Variants in SEMA5A observed in about 807,000 individuals in gnomAD.
The protein encoded by SEMA5A is semaphorin 5A, also known as semaphorin-5A.
A neutral mutation model predicts 135.5 loss-of-function variants in SEMA5A; 55 were observed. The observed-to-expected ratio is 0.41, with a 90% CI of 0.33 to 0.51. The LOEUF (loss-of-function observed/expected upper bound fraction) is 0.51. SEMA5A is among the 20% of genes least tolerant of loss of function. SEMA5A has a pLI of 0.37. For synonymous variants in SEMA5A, 580 were observed against 546.5 expected, an observed-to-expected ratio of 1.06 and a Z score of -0.85; for missense variants, 1,290 against 1,419.9, an observed-to-expected ratio of 0.91 and a Z score of 1.47.
In SEMA5A at chr5:9,039,406, C is replaced by G. The variant is rs1002500196; in HGVS notation, c.*3491G>C. ...TCCCAAACCACATGACATGAACGGA[C>G]TCTTCCTAGGGACAGAGGTTTCTCC... On this transcript the variant is annotated 3_prime_UTR_variant, in exon 23 of 23. Coordinates refer to ENST00000382496, the MANE Select transcript of SEMA5A (RefSeq NM_003966.3). 1.3e-5 allele frequency: 2 copies of G among 152,298 alleles called. No homozygotes were observed. Among genetic ancestry groups the G allele is most frequent in the African/African-American group, 4.8e-5 (2 of 41,470 alleles). 9.4% of individuals were successfully genotyped at this position (152,298 alleles called of 1,614,324 possible). A position where few individuals can be genotyped will look rare whatever the true frequency, so the allele number is the denominator to read the frequency against.
intron 17 of SEMA5A, among the ~76,000 whole-genome samples, chr5:9,065,971 G>A (rs537318383): frequency 1.2e-4 from 18 of 152,336 alleles, no homozygotes; most frequent in Admixed American, 9.8e-4. Flanking sequence ...CTTACACAAT[G>A]TGCTTTTTAA....
chr5:9,099,179 T>G (rs1432867601), intron 16 of SEMA5A, among the ~76,000 whole-genome samples: 1 of 152,228 alleles, frequency 6.6e-6, no homozygotes, highest in Non-Finnish European at 1.5e-5. Flanking sequence ...TACATCATTC[T>G]TAAGCTTGAT....
chr5:9,051,902 G>T lies in SEMA5A; in HGVS notation c.2816C>A (p.Pro939Gln), dbSNP rs369362878. ...QCSGNTTESRPCVFDSNFIPE... is the reference protein window; with the variant it reads ...QCSGNTTESRQCVFDSNFIPE... ...GATGAAATTAGAGTCAAACACACACGGCCGGCTCTCCGTGGTGTTCCCGGA... is the reference window on the plus strand; with the variant it reads ...GATGAAATTAGAGTCAAACACACACTGCCGGCTCTCCGTGGTGTTCCCGGA... Residue 939 changes from proline (P) to glutamine (Q), a missense_variant, in exon 20 of 23, where the codon CCG (proline) becomes CAG (glutamine). Physicochemically the swap from Pro to Gln is moderately conservative, Grantham distance 76. This residue lies in a region of SEMA5A where 1,029 missense variants were observed against 1,086.6 expected (regional missense o/e 0.95). Coordinates refer to ENST00000382496, the MANE Select transcript of SEMA5A (RefSeq NM_003966.3). The T allele has an allele frequency of 1.2e-6, 2 of 1,614,046 alleles. No individual in the cohort carries two copies. The highest frequency in any genetic ancestry group is 1.7e-6 in the Non-Finnish European group (2 of 1,180,016).
At chr5:9,509,875 A>C (rs1394258815) in intron 1 of SEMA5A, among the ~76,000 whole-genome samples, 4 of 152,220 alleles carry the variant, frequency 2.6e-5, no homozygotes, top group Non-Finnish European at 2.9e-5. Context: ...ACTGAACAAG[A>C]CAAGGTGCCT....
intron 3 of SEMA5A, among the ~76,000 whole-genome samples, chr5:9,369,428 T>C (rs1561193469): frequency 6.6e-6 from 1 of 152,230 alleles, no homozygotes; most frequent in Non-Finnish European, 1.5e-5. Flanking sequence ...ATTCAAAGTT[T>C]TGGAAATATT....
chr5:9,419,196 T>A (rs1297609559), intron 2 of SEMA5A, among the ~76,000 whole-genome samples: 2 of 152,214 alleles, frequency 1.3e-5, no homozygotes, highest in East Asian at 3.8e-4. Context: ...ATCTTGGCAT[T>A]AATTTCTATT....
At chr5:9,277,493 C>T (rs1195906582) in intron 5 of SEMA5A, among the ~76,000 whole-genome samples, 1 of 152,132 alleles carries the variant, frequency 6.6e-6, no homozygotes, top group Non-Finnish European at 1.5e-5. Context: ...ATAAATCATT[C>T]TACTATAAAG....
intron 1 of SEMA5A, among the ~76,000 whole-genome samples, chr5:9,497,406 G>A (rs1367142689): frequency 1.3e-5 from 2 of 152,184 alleles, no homozygotes; most frequent in Non-Finnish European, 2.9e-5. Context: ...CAATGGACTG[G>A]GGATAGAGAC....
At chr5:9,113,852 G>A (rs1740373900) in intron 15 of SEMA5A, among the ~76,000 whole-genome samples, 1 of 152,186 alleles carries the variant, frequency 6.6e-6, no homozygotes, top group South Asian at 2.1e-4. Flanking sequence ...TGTTGGGAAA[G>A]AACATTGGTG....
intron 12 of SEMA5A, among the ~76,000 whole-genome samples, chr5:9,138,209 T>C (rs940984432): frequency 6.6e-6 from 1 of 152,172 alleles, no homozygotes; most frequent in Non-Finnish European, 1.5e-5. Flanking sequence ...ATGACTTCCA[T>C]TCAAAAATAC....
chr5:9,233,478 C>T (rs538258571), intron 6 of SEMA5A, among the ~76,000 whole-genome samples: 1 of 151,246 alleles, frequency 6.6e-6, no homozygotes, highest in South Asian at 2.1e-4. Flanking sequence ...TTTTTTTCCC[C>T]CATGGAATAT....
chr5:9,312,919 G>A (rs1752208297), intron 5 of SEMA5A, among the ~76,000 whole-genome samples: 1 of 152,144 alleles, frequency 6.6e-6, no homozygotes, highest in South Asian at 2.1e-4. Context: ...CTACAGAGCT[G>A]AGCCGCCATG....
At chr5:9,469,880 G>T (rs1392800093) in intron 1 of SEMA5A, among the ~76,000 whole-genome samples, 1 of 152,216 alleles carries the variant, frequency 6.6e-6, no homozygotes. Context: ...ATGTTTAAGA[G>T]GGCAAGCTCT....
At chr5:9,484,963 A>T (rs1178428830) in intron 1 of SEMA5A, among the ~76,000 whole-genome samples, 1 of 152,222 alleles carries the variant, frequency 6.6e-6, no homozygotes, top group Non-Finnish European at 1.5e-5. Flanking sequence ...TGTGGACCTG[A>T]ATTTGAATTT....
chr5:9,436,515 C>A (rs1468273543), intron 2 of SEMA5A, among the ~76,000 whole-genome samples: 1 of 152,168 alleles, frequency 6.6e-6, no homozygotes, highest in Non-Finnish European at 1.5e-5. Flanking sequence ...ACCCATTTAG[C>A]CTCCTTCCTC....
intron 4 of SEMA5A, among the ~76,000 whole-genome samples, chr5:9,335,390 A>G (rs1027207999): frequency 2.6e-5 from 4 of 152,158 alleles, no homozygotes; most frequent in African/African-American, 9.7e-5. Context: ...AAAATACCCT[A>G]ATTTGCTCTG....
At chr5:9,137,744 G>C (rs1005348214) in intron 12 of SEMA5A, among the ~76,000 whole-genome samples, 1 of 152,186 alleles carries the variant, frequency 6.6e-6, no homozygotes, top group Admixed American at 6.5e-5. Flanking sequence ...CATCAACCCT[G>C]TCAGCAGGGA....
intron 1 of SEMA5A, among the ~76,000 whole-genome samples, chr5:9,539,688 A>ATG (rs1306731529): frequency 1.3e-5 from 2 of 152,202 alleles, no homozygotes; most frequent in African/African-American, 4.8e-5. Context: ...TATTATATAT[A>ATG]TTAGCATTTT....
chr5:9,188,884 G>A (rs1744945809), intron 11 of SEMA5A, among the ~76,000 whole-genome samples: 1 of 142,778 alleles, frequency 7.0e-6, no homozygotes, highest in Non-Finnish European at 1.5e-5. Context: ...AGCTTCTAGA[G>A]GAGATGCCCT....
Sources: gnomAD v4.1 joint callset for allele counts (sites outside exome capture counted in the v4.1 genomes callset) on GRCh38, gnomAD v4.1.1 for gene constraint, gnomAD v4.1.1 regional missense constraint, MANE v1.5 for transcripts, NCBI Gene and HGNC (gene_info 2026-07-23, HGNC 2026-07-21) for gene names.